UNC5C: variants seen among roughly 807,000 people sequenced by gnomAD.
UNC5C encodes the protein unc-5 netrin receptor C.
Under a neutral mutation model 99.8 loss-of-function variants are expected in UNC5C, and 47 were observed. That is an observed-to-expected ratio of 0.47 (90% CI 0.37 to 0.60). The LOEUF is 0.60. Ranked by LOEUF, UNC5C falls within the 20% of genes least tolerant of loss-of-function variation. UNC5C has a pLI of 0.00. For synonymous variants in UNC5C, 487 were observed against 452.2 expected, an observed-to-expected ratio of 1.08 and a Z score of -0.98; for missense variants, 1,062 against 1,165.9, an observed-to-expected ratio of 0.91 and a Z score of 1.30.
intron 1 of UNC5C, among the ~76,000 whole-genome samples, chr4:95,398,564 A>G (rs1217395682): frequency 6.6e-6 from 1 of 152,174 alleles, no homozygotes; most frequent in African/African-American, 2.4e-5. Context: ...TGACTTGCTA[A>G]TACTGTCCAT....
At chr4:95,204,152 T>TA (rs1344729845) in intron 11 of UNC5C, among the ~76,000 whole-genome samples, 1 of 152,242 alleles carries the variant, frequency 6.6e-6, no homozygotes, top group Admixed American at 6.5e-5. Flanking sequence ...GATGGGTTTT[T>TA]ATGTGTCATT....
intron 1 of UNC5C, among the ~76,000 whole-genome samples, chr4:95,410,179 C>T (rs1033356854): frequency 1.3e-5 from 2 of 152,160 alleles, no homozygotes; most frequent in East Asian, 1.9e-4. Context: ...CAGATGACAC[C>T]GCTGATTTTC....
At chr4:95,515,727 C>A (rs1233077918) in intron 1 of UNC5C, among the ~76,000 whole-genome samples, 1 of 152,194 alleles carries the variant, frequency 6.6e-6, no homozygotes, top group African/African-American at 2.4e-5. Context: ...TAACACAGGA[C>A]TTTATTTGCA....
chr4:95,345,436 T>C (rs1743735648), intron 1 of UNC5C, among the ~76,000 whole-genome samples: 1 of 152,056 alleles, frequency 6.6e-6, no homozygotes, highest in Admixed American at 6.6e-5. Context: ...ACTTTCAATA[T>C]TGCACAGATC....
At chr4:95,354,526 C>T (rs897054443) in intron 1 of UNC5C, among the ~76,000 whole-genome samples, 1 of 139,000 alleles carries the variant, frequency 7.2e-6, no homozygotes, top group East Asian at 2.0e-4. Flanking sequence ...GTCACCCAGG[C>T]TGGAGTGCAG....
intron 1 of UNC5C, among the ~76,000 whole-genome samples, chr4:95,339,565 A>G (rs1743481056): frequency 6.6e-6 from 1 of 152,102 alleles, no homozygotes; most frequent in Non-Finnish European, 1.5e-5. Context: ...CAGTGAGTAC[A>G]TCCTCTTACC....
chr4:95,250,516 T>C lies in UNC5C; in HGVS notation c.746A>G (p.Lys249Arg), dbSNP rs781321325. 2 of 1,614,026 alleles carry C rather than the reference T, an allele frequency of 1.2e-6. No homozygotes were observed. Among genetic ancestry groups the C allele is most frequent in the Non-Finnish European group, 1.7e-6 (2 of 1,179,938 alleles). Residue 249 changes from lysine (K) to arginine (R), a missense_variant, in exon 5 of 16, where the codon AAA (lysine) becomes AGA (arginine). Transcript: ENST00000453304. ...CVAKNIVAKR[K>R]STTATVIVYV... ...GACTATGACAGTGGCAGTTGTACTT[T>C]TCCTCTTGGCAACAATGTTTTTGGC...
At chr4:95,405,768 C>T (rs190864692) in intron 1 of UNC5C, among the ~76,000 whole-genome samples, 8 of 152,286 alleles carry the variant, frequency 5.3e-5, no homozygotes, top group Non-Finnish European at 1.0e-4. Flanking sequence ...ACTTCCCACA[C>T]GTTAGCTGTG....
At chr4:95,379,570 G>A (rs184062712) in intron 1 of UNC5C, among the ~76,000 whole-genome samples, 30 of 152,278 alleles carry the variant, frequency 2.0e-4, no homozygotes, top group Admixed American at 1.4e-3. Flanking sequence ...GTACACATGT[G>A]TGAGCTTTCA....
intron 1 of UNC5C, among the ~76,000 whole-genome samples, chr4:95,487,250 G>A (rs1160485764): frequency 6.6e-6 from 1 of 151,794 alleles, no homozygotes; most frequent in Non-Finnish European, 1.5e-5. Flanking sequence ...ACATTGCTTT[G>A]TAGCTCACAA....
intron 3 of UNC5C, among the ~76,000 whole-genome samples, 188 bp downstream of exon 3, chr4:95,301,418 A>C (rs1275883901): frequency 1.3e-5 from 2 of 151,952 alleles, no homozygotes; most frequent in African/African-American, 4.8e-5. Flanking sequence ...GATGGTCTCG[A>C]TCTCCTGACC....
At chr4:95,407,292 A>T (rs1363741994) in intron 1 of UNC5C, among the ~76,000 whole-genome samples, 1 of 152,140 alleles carries the variant, frequency 6.6e-6, no homozygotes, top group East Asian at 1.9e-4. Flanking sequence ...TTACCTACTT[A>T]TTCATTTTGA....
intron 1 of UNC5C, among the ~76,000 whole-genome samples, chr4:95,533,496 T>TAATA (rs1389205056): frequency 2.0e-5 from 3 of 152,032 alleles, no homozygotes; most frequent in Admixed American, 2.0e-4. Flanking sequence ...TATCATTAAA[T>TAATA]AATACATCAT....
chr4:95,512,047 G>C (rs563447841), intron 1 of UNC5C, among the ~76,000 whole-genome samples: 1 of 152,204 alleles, frequency 6.6e-6, no homozygotes, highest in South Asian at 2.1e-4. Context: ...ACATGGCACT[G>C]TAAGTGGAAT....
chr4:95,457,579 C>G (rs1312606620), intron 1 of UNC5C, among the ~76,000 whole-genome samples: 1 of 152,000 alleles, frequency 6.6e-6, no homozygotes, highest in African/African-American at 2.4e-5. Flanking sequence ...CCCATTTGCC[C>G]GCATTTAATG....
At chr4:95,217,129 C>T (rs1411342930) in intron 9 of UNC5C, among the ~76,000 whole-genome samples, 1 of 152,192 alleles carries the variant, frequency 6.6e-6, no homozygotes, top group African/African-American at 2.4e-5. Flanking sequence ...CTTGTGAGTA[C>T]AGTGTTTGAC....
At chr4:95,301,288 T>C (rs976869327) in intron 3 of UNC5C, among the ~76,000 whole-genome samples, 12 of 149,514 alleles carry the variant, frequency 8.0e-5, no homozygotes, top group Non-Finnish European at 1.5e-4. Flanking sequence ...CTCTGCCTCC[T>C]GGGTTCAGGC....
intron 1 of UNC5C, among the ~76,000 whole-genome samples, chr4:95,437,462 A>T (rs1035412548): frequency 5.3e-5 from 8 of 152,008 alleles, no homozygotes; most frequent in African/African-American, 1.9e-4. Context: ...TTTCTGTGGC[A>T]TATTGTAAAA....
intron 1 of UNC5C, among the ~76,000 whole-genome samples, chr4:95,379,799 A>G (rs1745008986): frequency 6.6e-6 from 1 of 152,144 alleles, no homozygotes; most frequent in Admixed American, 6.6e-5. Flanking sequence ...TAGGCGCGAT[A>G]AGGAGTCCGA....
Sources: allele counts gnomAD v4.1 joint callset (sites outside exome capture counted in the v4.1 genomes callset), GRCh38; gene constraint gnomAD v4.1.1; transcripts MANE v1.5; gene names NCBI Gene and HGNC (gene_info 2026-07-23, HGNC 2026-07-21).